Variants in TAF4B observed in about 807,000 individuals in gnomAD.
TAF4B encodes the protein transcription initiation factor TFIID subunit 4B.
A neutral mutation model predicts 86.4 loss-of-function variants in TAF4B; 38 were observed. The ratio of observed to expected loss-of-function variants is 0.44; its 90% confidence interval spans 0.34 to 0.58. The LOEUF (loss-of-function observed/expected upper bound fraction) is 0.58. TAF4B is among the 20% of genes least tolerant of loss of function. The pLI, the probability that TAF4B is intolerant of heterozygous loss-of-function variation, is 0.02. For missense variants in TAF4B, 988 were observed against 1,027.6 expected (o/e 0.96, Z 0.53); for synonymous variants, 388 against 391.2 (o/e 0.99, Z 0.10).
At chr18:26,335,036 C>G in intron 12 of TAF4B, 139 bp from the exon 13 acceptor site, 1 of 641,030 alleles carries the variant, frequency 1.6e-6, no homozygotes, top group Non-Finnish European at 2.7e-6. Context: ...GGGAGTGCAG[C>G]TAGACTGGAT....
At chr18:26,355,347 A>G (rs182451255) in intron 13 of TAF4B, among the ~76,000 whole-genome samples, 27 of 152,300 alleles carry the variant, frequency 1.8e-4, no homozygotes, top group African/African-American at 6.5e-4. Context: ...TCCACAGGCA[A>G]GCCTCTAACT....
chr18:26,389,292 G>A (rs763472305), intron 14 of TAF4B, among the ~76,000 whole-genome samples: 2 of 152,210 alleles, frequency 1.3e-5, no homozygotes, highest in South Asian at 4.1e-4. Context: ...AGTGCTCAGC[G>A]TGGTTCTCAA....
intron 1 of TAF4B, among the ~76,000 whole-genome samples, chr18:26,234,868 G>C (rs971343398): frequency 3.9e-5 from 6 of 152,198 alleles, no homozygotes; most frequent in Non-Finnish European, 7.3e-5. Context: ...AACTTCCTTT[G>C]GCACGTAGTG....
chr18:26,315,489 G>A, intron 10 of TAF4B, 91 bp downstream of exon 10: 1 of 857,614 alleles, frequency 1.2e-6, no homozygotes, highest in Non-Finnish European at 1.7e-6. Flanking sequence ...GGTTGTCCTG[G>A]AACTCTGAGG....
At chr18:26,257,667 A>G (rs1385687396) in intron 1 of TAF4B, among the ~76,000 whole-genome samples, 1 of 152,086 alleles carries the variant, frequency 6.6e-6, no homozygotes. Flanking sequence ...TTTCTAGGGT[A>G]ACACTTATCC....
chr18:26,314,241 T>A (rs1282752926), intron 9 of TAF4B, among the ~76,000 whole-genome samples: 1 of 152,266 alleles, frequency 6.6e-6, no homozygotes, highest in Admixed American at 6.5e-5. Flanking sequence ...TTGTAACTTA[T>A]GTTATACATT....
intron 5 of TAF4B, among the ~76,000 whole-genome samples, chr18:26,281,629 C>T (rs1043704361): frequency 6.6e-6 from 1 of 152,138 alleles, no homozygotes; most frequent in African/African-American, 2.4e-5. Context: ...TGAGTAACTT[C>T]CTGTTCCCCA....
At chr18:26,245,654 T>G (rs1157382538) in intron 1 of TAF4B, among the ~76,000 whole-genome samples, 1 of 152,162 alleles carries the variant, frequency 6.6e-6, no homozygotes, top group African/African-American at 2.4e-5. Context: ...TGATTGGTGA[T>G]TTTTAGAATG....
chr18:26,329,798 C>T (rs2057036731), intron 12 of TAF4B, among the ~76,000 whole-genome samples: 1 of 151,982 alleles, frequency 6.6e-6, no homozygotes, highest in Non-Finnish European at 1.5e-5. Flanking sequence ...TGCCATCTCC[C>T]CCACTTTTTG....
intron 13 of TAF4B, among the ~76,000 whole-genome samples, chr18:26,355,101 T>C (rs2057277483): frequency 6.6e-6 from 1 of 152,252 alleles, no homozygotes; most frequent in African/African-American, 2.4e-5. Flanking sequence ...GAAATACCTG[T>C]ATGTGTTAGA....
intron 1 of TAF4B, among the ~76,000 whole-genome samples, chr18:26,233,992 C>G (rs1046940099): frequency 6.6e-6 from 1 of 152,174 alleles, no homozygotes; most frequent in African/African-American, 2.4e-5. Flanking sequence ...GATGAATGTT[C>G]TCAATACCTA....
chr18:26,378,422 T>C (rs911445976), intron 14 of TAF4B, among the ~76,000 whole-genome samples: 8 of 152,206 alleles, frequency 5.3e-5, no homozygotes, highest in Non-Finnish European at 8.8e-5. Context: ...GCTATCATAA[T>C]GTTTGTGGAT....
chr18:26,293,823 C>A (rs547330765), intron 9 of TAF4B, among the ~76,000 whole-genome samples: 51 of 152,298 alleles, frequency 3.3e-4, no homozygotes, highest in Non-Finnish European at 5.7e-4. Flanking sequence ...CTGCCTCTGG[C>A]AGCTACTGTT....
In TAF4B at chr18:26,243,400, G is replaced by A. The variant is rs1209367748; in HGVS notation, c.343+16124G>A. On this transcript the variant is annotated intron_variant, in intron 1 of 14. Transcript: ENST00000269142. Reference sequence around the variant, plus strand: ...TCGGCTACTGAAGCTTGTGCATCACGTAGTTCTCGTGCCATGGTTTTCAGC... The same window carrying A: ...TCGGCTACTGAAGCTTGTGCATCACATAGTTCTCGTGCCATGGTTTTCAGC... 4.0e-5 allele frequency among the ~76,000 whole-genome samples: 6 copies of A among 151,864 alleles called. No homozygotes were observed. The East Asian group carries it at 1.2e-3, about 29-fold the overall frequency.
At chr18:26,230,294 A>G (rs1465238364) in intron 1 of TAF4B, among the ~76,000 whole-genome samples, 1 of 152,192 alleles carries the variant, frequency 6.6e-6, no homozygotes, top group Non-Finnish European at 1.5e-5. Context: ...TGAAGCAGTG[A>G]GGTCCCTTTT....
chr18:26,273,134 T>C (rs2056341777), intron 3 of TAF4B, among the ~76,000 whole-genome samples: 1 of 152,186 alleles, frequency 6.6e-6, no homozygotes, highest in Non-Finnish European at 1.5e-5. Flanking sequence ...TAGAACATGT[T>C]GTATAAGACA....
In TAF4B at chr18:26,327,000, T is replaced by C. The variant is rs770495718; in HGVS notation, c.2134-15T>C. On this transcript the variant is annotated splice_polypyrimidine_tract_variant and intron_variant, in intron 11 of 14. Coordinates refer to ENST00000269142, the MANE Select transcript of TAF4B (RefSeq NM_005640.3). The stretch of plus-strand genomic sequence containing the variant: ...AGGATCATTATAAGACTTTCTGTTT[T>C]CTTTTTTTTCCCAGGCAAGTGAAAA... The C allele has an allele frequency of 6.3e-5, 101 of 1,609,704 alleles. No individual in the cohort carries two copies. Among genetic ancestry groups the C allele is most frequent in the Non-Finnish European group, 1.7e-6 (2 of 1,178,748 alleles).
At chr18:26,259,526 A>T (rs1186545677) in intron 1 of TAF4B, among the ~76,000 whole-genome samples, 1 of 151,500 alleles carries the variant, frequency 6.6e-6, no homozygotes, top group African/African-American at 2.4e-5. Context: ...GAGTGAGAAC[A>T]TGTGGTGTTT....
intron 14 of TAF4B, among the ~76,000 whole-genome samples, chr18:26,373,795 C>T (rs1017982269): frequency 5.9e-5 from 9 of 152,162 alleles, no homozygotes; most frequent in Non-Finnish European, 1.0e-4. Flanking sequence ...CTCCCTCCCT[C>T]CCTCTGTTCA....
Sources: allele counts gnomAD v4.1 joint callset (sites outside exome capture counted in the v4.1 genomes callset), GRCh38; gene constraint gnomAD v4.1.1; transcripts MANE v1.5; gene names NCBI Gene and HGNC (gene_info 2026-07-23, HGNC 2026-07-21).